Variants in MTCL2 observed in about 807,000 individuals in gnomAD.
The protein encoded by MTCL2 is microtubule cross-linking factor 2.
chr20:36,794,768 T>C, the MTCL2 span: 2 of 841,666 alleles, frequency 2.4e-6, no homozygotes, highest in Non-Finnish European at 3.7e-6. The surrounding 1 kb of genome is among the most constrained non-coding windows in gnomAD (Gnocchi z 5.4). Context: ...GTCTGCATTT[T>C]CTTTTTTTTT....
At chr20:36,819,553 G>T in the MTCL2 span, among the ~76,000 whole-genome samples, 3 of 150,220 alleles carry the variant, frequency 2.0e-5, no homozygotes, top group Non-Finnish European at 2.9e-5. Context: ...CTTCTCTGAT[G>T]AGGGCCAGAG....
the MTCL2 span, chr20:36,783,916 G>A: frequency 3.0e-5 from 30 of 985,344 alleles, no homozygotes; most frequent in East Asian, 1.1e-4. Flanking sequence ...CCAGCCCCAC[G>A]TCCAGAGGCT....
At chr20:36,787,379 C>A in the MTCL2 span, among the ~76,000 whole-genome samples, 2 of 151,964 alleles carry the variant, frequency 1.3e-5, no homozygotes, top group African/African-American at 4.8e-5. Context: ...AAGCGTGTGC[C>A]ACCATGCCTA....
chr20:36,825,061 A>T, the MTCL2 span, among the ~76,000 whole-genome samples: 2 of 150,690 alleles, frequency 1.3e-5, no homozygotes, highest in African/African-American at 4.9e-5. Flanking sequence ...TCCTATTTCA[A>T]CCTCCCAGGT....
chr20:36,842,719 C>A, the MTCL2 span, among the ~76,000 whole-genome samples: 1 of 152,226 alleles, frequency 6.6e-6, no homozygotes, highest in East Asian at 1.9e-4. Context: ...TTGCAGTGAC[C>A]CAAGATCATA....
chr20:36,786,175 G>T, the MTCL2 span: 1 of 1,031,092 alleles, frequency 9.7e-7, no homozygotes, highest in Non-Finnish European at 1.2e-6. Flanking sequence ...AACCAGGCAA[G>T]GCTCTCTCTT....
chr20:36,815,962 G>A, the MTCL2 span: 41 of 1,613,208 alleles, frequency 2.5e-5, no homozygotes, highest in Non-Finnish European at 3.2e-5. This position sits in a 1 kb window ranked among gnomAD's most constrained non-coding sequence, Gnocchi z 5.3. Flanking sequence ...AAGGCCAGGC[G>A]TGCCTCAGGA....
chr20:36,784,008 G>C, the MTCL2 span: 1 of 985,658 alleles, frequency 1.0e-6, no homozygotes, highest in Non-Finnish European at 1.2e-6. Context: ...CCAAGGTCTG[G>C]CTGAGACAAC....
chr20:36,787,565 T>C, the MTCL2 span, among the ~76,000 whole-genome samples: 1 of 152,050 alleles, frequency 6.6e-6, no homozygotes, highest in Non-Finnish European at 1.5e-5. Flanking sequence ...TCTAATTTTT[T>C]ACTATTACCA....
At chr20:36,817,953 T>A in the MTCL2 span, among the ~76,000 whole-genome samples, 3 of 152,198 alleles carry the variant, frequency 2.0e-5, no homozygotes, top group Non-Finnish European at 4.4e-5. Flanking sequence ...TGAGTACCTC[T>A]CCCAGCGACA....
chr20:36,797,053 T>C, the MTCL2 span: 5 of 1,023,976 alleles, frequency 4.9e-6, no homozygotes, highest in Non-Finnish European at 7.7e-6. Flanking sequence ...AATCTCCTCA[T>C]CCGGAGAGCA....
At chr20:36,845,024 A>AG in the MTCL2 span, among the ~76,000 whole-genome samples, 11 of 149,820 alleles carry the variant, frequency 7.3e-5, no homozygotes, top group South Asian at 4.2e-4. Context: ...AAAAAAAAAA[A>AG]AAGAAGAAGA....
the MTCL2 span, among the ~76,000 whole-genome samples, chr20:36,807,046 C>G: frequency 6.6e-6 from 1 of 152,162 alleles, no homozygotes; most frequent in Non-Finnish European, 1.5e-5. Context: ...CCTATGTTTC[C>G]AAACGTCACA....
the MTCL2 span, chr20:36,780,131 T>G: frequency 6.6e-6 from 1 of 152,210 alleles, no homozygotes; most frequent in Non-Finnish European, 1.5e-5. Flanking sequence ...TGGTTTGCGA[T>G]GTGACCTTGG....
At chr20:36,797,705 C>T in the MTCL2 span, 2 of 770,214 alleles carry the variant, frequency 2.6e-6, no homozygotes, top group Middle Eastern at 3.4e-4. Context: ...GGGCCACCTT[C>T]TCAGTGGGTA....
chr20:36,859,309 T>A, the MTCL2 span, among the ~76,000 whole-genome samples: 1 of 152,134 alleles, frequency 6.6e-6, no homozygotes, highest in Non-Finnish European at 1.5e-5. Flanking sequence ...AGACCTCAGA[T>A]CACCGGGTCT....
At chr20:36,823,847 G>T in the MTCL2 span, among the ~76,000 whole-genome samples, 1 of 152,156 alleles carries the variant, frequency 6.6e-6, no homozygotes, top group Non-Finnish European at 1.5e-5. Context: ...CTAAGCGCTA[G>T]AGCAGTTATA....
At chr20:36,787,949 C>T in the MTCL2 span, among the ~76,000 whole-genome samples, 31 of 147,230 alleles carry the variant, frequency 2.1e-4, no homozygotes, top group Non-Finnish European at 2.5e-4. Flanking sequence ...ACCTGTAATG[C>T]CAGCACTTTG....
chr20:36,806,935 G>C, the MTCL2 span, among the ~76,000 whole-genome samples: 6 of 152,188 alleles, frequency 3.9e-5, no homozygotes, highest in African/African-American at 1.2e-4. Context: ...GTTCGTCTGA[G>C]ACAAACTGAC....
Sources: gnomAD v4.1 joint callset for allele counts (sites outside exome capture counted in the v4.1 genomes callset) on GRCh38, gnomAD v4.1.1 for gene constraint, Gnocchi (gnomAD v3.1) non-coding constraint, MANE v1.5 for transcripts, NCBI Gene and HGNC (gene_info 2026-07-23, HGNC 2026-07-21) for gene names.